The following SCNN1B variants were observed in gnomAD, a reference collection of about 807,000 sequenced individuals.
SCNN1B encodes sodium channel epithelial 1 subunit beta, also known as epithelial sodium channel subunit beta.
A neutral mutation model predicts 65.3 loss-of-function variants in SCNN1B; 46 were observed. That is an observed-to-expected ratio of 0.70 (90% CI 0.56 to 0.90). SCNN1B has a LOEUF of 0.90. Among genes scored for constraint, SCNN1B ranks in the 40% least tolerant of loss-of-function variants. The pLI, the probability that SCNN1B is intolerant of heterozygous loss-of-function variation, is 0.00. For synonymous variants in SCNN1B, 349 were observed against 330.6 expected (o/e 1.06, Z -0.60); for missense variants, 751 against 830.5 (o/e 0.90, Z 1.18).
At chr16:23,334,252 G>T (rs988244524) in intron 1 of SCNN1B, among the ~76,000 whole-genome samples, 4 of 152,082 alleles carry the variant, frequency 2.6e-5, no homozygotes, top group African/African-American at 9.7e-5. Flanking sequence ...GCCTTACAGT[G>T]AACCTCCCAT....
chr16:23,316,037 GCCACCATCACCATCA>G (rs1409268955), intron 1 of SCNN1B, among the ~76,000 whole-genome samples: 29 of 108,452 alleles, frequency 2.7e-4, no homozygotes, highest in East Asian at 8.9e-4. Context: ...CATCACCATC[GCCACCATCACCATCA>G]CCATCCTCAC....
At chr16:23,284,297 C>T (rs984362169) in intron 2 of SCNN1B, among the ~76,000 whole-genome samples, 6 of 151,792 alleles carry the variant, frequency 4.0e-5, no homozygotes, top group African/African-American at 9.7e-5. Flanking sequence ...CCCAGCTACT[C>T]GGGAGGCTGA....
chr16:23,345,379 G>C (rs1188934893), intron 1 of SCNN1B, among the ~76,000 whole-genome samples: 1 of 152,192 alleles, frequency 6.6e-6, no homozygotes, highest in Non-Finnish European at 1.5e-5. Flanking sequence ...ATCCAATTTG[G>C]ATATGCATAA....
At chr16:23,333,043 C>G (rs111973689) in intron 1 of SCNN1B, among the ~76,000 whole-genome samples, 39,142 of 149,056 alleles carry the variant, frequency 0.26, 5,244 homozygotes, top group Middle Eastern at 0.32. Context: ...TGCACTCCAG[C>G]CTGGGCGACA....
intron 2 of SCNN1B, among the ~76,000 whole-genome samples, chr16:23,289,672 A>C (rs1456178754): frequency 1.5e-5 from 2 of 131,766 alleles, no homozygotes; most frequent in South Asian, 4.9e-4. Context: ...CCAATATTTA[A>C]CTTTTTTTTT....
intron 1 of SCNN1B, among the ~76,000 whole-genome samples, chr16:23,304,727 A>G (rs1462948231): frequency 6.6e-6 from 1 of 152,168 alleles, no homozygotes; most frequent in Non-Finnish European, 1.5e-5. Context: ...GTTTGGTGGA[A>G]CCCATGATCT....
chr16:23,363,326 C>T (rs552794039), intron 4 of SCNN1B, among the ~76,000 whole-genome samples: 3 of 152,246 alleles, frequency 2.0e-5, no homozygotes, highest in East Asian at 1.9e-4. Flanking sequence ...AAGTGAGGCA[C>T]GAAGACGTGA....
At chr16:23,290,968 G>A (rs1339960670) in intron 2 of SCNN1B, among the ~76,000 whole-genome samples, 1 of 151,744 alleles carries the variant, frequency 6.6e-6, no homozygotes, top group African/African-American at 2.4e-5. Context: ...TGTTTAATAG[G>A]GTTTTTAATT....
At chr16:23,360,190 T>C (rs1234105271) in intron 4 of SCNN1B, among the ~76,000 whole-genome samples, 1 of 124,782 alleles carries the variant, frequency 8.0e-6, no homozygotes, top group African/African-American at 3.1e-5. Flanking sequence ...AGAGCGAGAC[T>C]CCATCTCAAA....
At chr16:23,354,506 A>T (rs1335325547) in intron 3 of SCNN1B, among the ~76,000 whole-genome samples, 1 of 152,220 alleles carries the variant, frequency 6.6e-6, no homozygotes, top group Non-Finnish European at 1.5e-5. Context: ...GATGACTTGG[A>T]TGTCATGAGA....
chr16:23,375,559 G>A (rs1247234491), intron 7 of SCNN1B, among the ~76,000 whole-genome samples, 179 bp from the exon 8 acceptor site: 1 of 152,150 alleles, frequency 6.6e-6, no homozygotes, highest in Non-Finnish European at 1.5e-5. Flanking sequence ...GTCCAGGACT[G>A]TGGGGTCTGT....
chr16:23,332,714 A>T (rs1961839351), intron 1 of SCNN1B, among the ~76,000 whole-genome samples: 1 of 152,076 alleles, frequency 6.6e-6, no homozygotes, highest in Non-Finnish European at 1.5e-5. Context: ...CATGGTGAGG[A>T]TTCCATCCTA....
chr16:23,281,905 T>C (rs537868949), intron 1 of SCNN1B, among the ~76,000 whole-genome samples: 4 of 152,208 alleles, frequency 2.6e-5, no homozygotes, highest in Non-Finnish European at 5.9e-5. Flanking sequence ...ATAGTAATAC[T>C]TACTGGCCGG....
chr16:23,380,532 A>G lies in SCNN1B; in HGVS notation c.1654A>G (p.Ile552Val). ...EIIIDFVWIT[I>V]IKLVALAKSL... ...CATCATCGACTTTGTGTGGATCACC[A>G]TCATCAAGCTGGTGGCCTTGGCCAA... Residue 552 changes from isoleucine (I) to valine (V), a missense_variant, in exon 13 of 13, where the codon ATC becomes GTC. Transcript: ENST00000343070. The surrounding 1 kb of genome is among the most constrained non-coding windows in gnomAD (Gnocchi z 5.4). 2 of 1,614,150 alleles carry G rather than the reference A, an allele frequency of 1.2e-6. No homozygotes were observed. Among genetic ancestry groups the G allele is most frequent in the Non-Finnish European group, 1.7e-6 (2 of 1,180,006 alleles).
At chr16:23,368,148 G>T (rs141291100) in intron 5 of SCNN1B, among the ~76,000 whole-genome samples, 189 bp downstream of exon 5, 1 of 152,244 alleles carries the variant, frequency 6.6e-6, no homozygotes, top group East Asian at 1.9e-4. Flanking sequence ...AGCCATTCCC[G>T]CCCACAATGT....
intron 1 of SCNN1B, among the ~76,000 whole-genome samples, chr16:23,339,124 T>C (rs972233988): frequency 3.3e-5 from 5 of 152,274 alleles, no homozygotes; most frequent in African/African-American, 7.2e-5. Context: ...TGGAATTCTA[T>C]AGTATGTATT....
chr16:23,315,099 G>T (rs1465736441), intron 1 of SCNN1B, among the ~76,000 whole-genome samples: 2 of 152,234 alleles, frequency 1.3e-5, no homozygotes, highest in Non-Finnish European at 2.9e-5. Context: ...CACTTTGGGA[G>T]GCCAAGGCGG....
chr16:23,348,950 G>T lies in SCNN1B; in HGVS notation c.311+40G>T, dbSNP rs756210819. 6.5e-7 allele frequency: 1 copy of T among 1,548,494 alleles called. No homozygotes were observed. The highest frequency in any genetic ancestry group is 2.2e-5 in the East Asian group (1 of 44,530). The stretch of plus-strand genomic sequence containing the variant: ...AGTGCACAGCTGGCCTCAGCAGACA[G>T]GCGGTTCTCTTTCTCTCTTTTCTTC... On this transcript the variant is annotated intron_variant, in intron 2 of 12. Coordinates refer to ENST00000343070, the MANE Select transcript of SCNN1B (RefSeq NM_000336.3). The surrounding 1 kb of genome is among the most constrained non-coding windows in gnomAD (Gnocchi z 4.5).
intron 1 of SCNN1B, among the ~76,000 whole-genome samples, chr16:23,332,203 T>G (rs1458069253): frequency 6.6e-6 from 1 of 151,816 alleles, no homozygotes; most frequent in Non-Finnish European, 1.5e-5. Context: ...TCTTTTTTTT[T>G]TTTCTTTTTT....
Sources: gnomAD v4.1 joint callset for allele counts (sites outside exome capture counted in the v4.1 genomes callset) on GRCh38, gnomAD v4.1.1 for gene constraint, Gnocchi (gnomAD v3.1) non-coding constraint, MANE v1.5 for transcripts, NCBI Gene and HGNC (gene_info 2026-07-23, HGNC 2026-07-21) for gene names.